Variants in WWTR1 observed in about 807,000 individuals in gnomAD.
The protein encoded by WWTR1 is WW domain containing transcription regulator 1, also known as WW domain-containing transcription regulator protein 1.
In WWTR1, 13 loss-of-function variants were observed where a neutral mutation model predicts 40.1. The ratio of observed to expected loss-of-function variants is 0.32; its 90% CI spans 0.21 to 0.52. The LOEUF is 0.52. Among genes scored for constraint, WWTR1 ranks in the 20% least tolerant of loss-of-function variants. The probability of loss-of-function intolerance (pLI) is 0.97; values close to 1 mark genes in which losing one functional copy is unlikely to be tolerated. For missense variants in WWTR1, 436 were observed against 523.1 expected, an observed-to-expected ratio of 0.83 and a Z score of 1.63; for synonymous variants, 230 against 210.1, an observed-to-expected ratio of 1.09 and a Z score of -0.82.
chr3:149,720,973 T>C (rs921052974), intron 4 of WWTR1, among the ~76,000 whole-genome samples: 1 of 152,322 alleles, frequency 6.6e-6, no homozygotes, highest in East Asian at 1.9e-4. Context: ...CTTTGTATCC[T>C]GCTATTTTGC....
In WWTR1 at chr3:149,637,265, G is replaced by A. The variant is rs185712757; in HGVS notation, c.431+19611C>T. 3.7e-3 allele frequency among the ~76,000 whole-genome samples: 553 copies of A among 149,516 alleles called. 1 individual carries two copies. Among genetic ancestry groups the A allele is most frequent in the Non-Finnish European group, 5.5e-3 (371 of 67,520 alleles). On this transcript the variant is annotated intron_variant, in intron 2 of 6. Coordinates refer to ENST00000360632, the MANE Select transcript of WWTR1 (RefSeq NM_015472.6). ...TTTTGAGACAGAGTCTCGCTCTGTT[G>A]GCCAGGCTGGAGTGCAGTGGCATGA... is the stretch of plus-strand genomic sequence containing the variant.
chr3:149,627,264 G>A, intron 2 of WWTR1, among the ~76,000 whole-genome samples: 1 of 152,134 alleles, frequency 6.6e-6, no homozygotes, highest in East Asian at 1.9e-4. Flanking sequence ...GTAAACCCAT[G>A]ATCTATTCCC....
At chr3:149,547,360 A>G (rs190245144) in intron 3 of WWTR1, among the ~76,000 whole-genome samples, 1 of 152,010 alleles carries the variant, frequency 6.6e-6, no homozygotes, top group Non-Finnish European at 1.5e-5. Flanking sequence ...CCCCGTCTCT[A>G]CTAAAAATAC....
Position 149,700,077 on chromosome 3 carries a change from G to A in WWTR1, c.-108+3047C>T, listed in dbSNP as rs1017163064. On this transcript the variant is annotated intron_variant, in intron 1 of 7. Transcript: ENST00000465804. ...AACATCTATTCAGCTTCTGGTGAGG[G>A]CTTCAGGAACTTTTGGTTATGGCAG... is the stretch of plus-strand genomic sequence containing the variant. 2.6e-5 allele frequency among the ~76,000 whole-genome samples: 4 copies of A among 152,216 alleles called. No homozygotes were observed. The East Asian group carries it at 7.7e-4, about 29-fold the overall frequency.
intron 2 of WWTR1, among the ~76,000 whole-genome samples, chr3:149,624,615 C>T (rs1457665793): frequency 6.6e-6 from 1 of 152,158 alleles, no homozygotes; most frequent in Non-Finnish European, 1.5e-5. Context: ...TTTGCTGCAT[C>T]CTTCTAAAAT....
intron 1 of WWTR1, among the ~76,000 whole-genome samples, chr3:149,677,004 C>T (rs576954875): frequency 9.9e-5 from 15 of 151,996 alleles, no homozygotes; most frequent in Non-Finnish European, 2.2e-4. Flanking sequence ...GCAACGTCTG[C>T]CTCCCAGGTT....
At chr3:149,589,313 C>T (rs914294035) in intron 2 of WWTR1, among the ~76,000 whole-genome samples, 8 of 152,206 alleles carry the variant, frequency 5.3e-5, no homozygotes, top group African/African-American at 1.4e-4. Context: ...GCATGCCTCA[C>T]GTAACTGTGT....
intron 1 of WWTR1, among the ~76,000 whole-genome samples, chr3:149,685,159 A>G (rs549304102): frequency 2.0e-5 from 3 of 152,062 alleles, no homozygotes; most frequent in Non-Finnish European, 4.4e-5. Context: ...ACAAACCACT[A>G]ATTTAGCTGT....
intron 5 of WWTR1, among the ~76,000 whole-genome samples, chr3:149,712,283 C>A (rs779785899): frequency 4.6e-5 from 7 of 152,070 alleles, no homozygotes; most frequent in Non-Finnish European, 8.8e-5. Context: ...GGCAACAAAG[C>A]AAGACCCTAT....
chr3:149,625,094 T>C (rs1360139032), intron 2 of WWTR1, among the ~76,000 whole-genome samples: 1 of 147,146 alleles, frequency 6.8e-6, no homozygotes, highest in African/African-American at 2.5e-5. Flanking sequence ...AATAGACAAC[T>C]CTACCCTTTT....
chr3:149,699,779 C>T (rs962999483), intron 1 of WWTR1, among the ~76,000 whole-genome samples: 3 of 152,296 alleles, frequency 2.0e-5, no homozygotes, highest in African/African-American at 7.2e-5. Context: ...TGGTCACAAC[C>T]ATTTAACCAG....
At chr3:149,635,193 T>G (rs1711754510) in intron 2 of WWTR1, among the ~76,000 whole-genome samples, 1 of 152,150 alleles carries the variant, frequency 6.6e-6, no homozygotes, top group Non-Finnish European at 1.5e-5. Flanking sequence ...TAAAAGAAGT[T>G]TAAATTATCA....
Position 149,657,004 on chromosome 3 carries a change from A to T in WWTR1, c.303T>A (p.Gly101=). Residue 101 remains glycine (G), a synonymous_variant, in exon 2 of 7, where the codon GGT becomes GGA. Coordinates refer to ENST00000360632, the MANE Select transcript of WWTR1 (RefSeq NM_015472.6). ...PASLQLGTGA[G]AAGSPAQQHA... ...GCTGCTGCGCGGGGCTACCCGCAGC[A>T]CCCGCGCCGGTGCCCAGCTGCAGGG... is the stretch of plus-strand genomic sequence containing the variant. 1 of 1,596,726 alleles carries T rather than the reference A, an allele frequency of 6.3e-7. No homozygotes were observed. The highest frequency in any genetic ancestry group is 8.5e-7 in the Non-Finnish European group (1 of 1,176,282).
chr3:149,696,292 T>C (rs1182979335), intron 1 of WWTR1, among the ~76,000 whole-genome samples: 1 of 151,976 alleles, frequency 6.6e-6, no homozygotes, highest in Non-Finnish European at 1.5e-5. Context: ...CACCAAGCAC[T>C]TAGATGCCCA....
chr3:149,633,666 G>A (rs1711660473), intron 2 of WWTR1, among the ~76,000 whole-genome samples: 3 of 152,164 alleles, frequency 2.0e-5, no homozygotes, highest in South Asian at 4.1e-4. Context: ...GGGTTCAGGG[G>A]TGGAGCGGAC....
At chr3:149,587,031 T>A (rs1738462272) in intron 2 of WWTR1, among the ~76,000 whole-genome samples, 1 of 152,308 alleles carries the variant, frequency 6.6e-6, no homozygotes, top group Admixed American at 6.5e-5. Context: ...AAGTGAAGTG[T>A]CTCCCTGAGT....
intron 4 of WWTR1, chr3:149,540,414 G>A: frequency 2.6e-6 from 1 of 389,568 alleles, no homozygotes; most frequent in Non-Finnish European, 5.1e-6. Flanking sequence ...AGGAGGAGAA[G>A]CAAGAGAAAG....
At chr3:149,713,827 G>C (rs529028322) in intron 5 of WWTR1, among the ~76,000 whole-genome samples, 1 of 152,340 alleles carries the variant, frequency 6.6e-6, no homozygotes, top group South Asian at 2.1e-4. Flanking sequence ...CCTGTGGCAC[G>C]CATCCCTGAG....
chr3:149,607,507 G>C (rs543047241), intron 2 of WWTR1, among the ~76,000 whole-genome samples: 2 of 152,192 alleles, frequency 1.3e-5, no homozygotes, highest in African/African-American at 2.4e-5. Context: ...GTAGAGACAG[G>C]GTTTCACCAT....
Sources: gnomAD v4.1 joint callset for allele counts (sites outside exome capture counted in the v4.1 genomes callset) on GRCh38, gnomAD v4.1.1 for gene constraint, MANE v1.5 for transcripts, NCBI Gene and HGNC (gene_info 2026-07-23, HGNC 2026-07-21) for gene names.